The following PPP1R3A variants were observed in gnomAD, a reference collection of about 807,000 sequenced individuals.
PPP1R3A encodes RG1.
A neutral mutation model predicts 41.7 loss-of-function variants in PPP1R3A; 29 were observed. The ratio of observed to expected loss-of-function variants is 0.70; its 90% confidence interval spans 0.52 to 0.95. The LOEUF (loss-of-function observed/expected upper bound fraction) is 0.95. Among genes scored for constraint, PPP1R3A ranks in the 40% least tolerant of loss-of-function variants. The probability of loss-of-function intolerance (pLI) is 0.00; values close to 1 mark genes in which losing one functional copy is unlikely to be tolerated. For missense variants in PPP1R3A, 1,352 were observed against 1,292.4 expected (o/e 1.05, Z -0.71); for synonymous variants, 485 against 453.4 (o/e 1.07, Z -0.89).
At chr7:113,912,171 C>G (rs533685857) in intron 1 of PPP1R3A, among the ~76,000 whole-genome samples, 7 of 152,204 alleles carry the variant, frequency 4.6e-5, no homozygotes, top group Non-Finnish European at 1.0e-4. Flanking sequence ...ACTTCAGACC[C>G]CATGAGTCTC....
rs779628301 is a variant in PPP1R3A, at chr7:113,918,356, G to C, written c.641C>G (p.Ser214Cys). Residue 214 changes from serine (S) to cysteine (C), a missense_variant, in exon 1 of 4, where the codon TCT becomes TGT. By Grantham distance (112) the Ser-to-Cys change is moderately radical. Coordinates refer to ENST00000284601, the MANE Select transcript of PPP1R3A (RefSeq NM_002711.4). The stretch of plus-strand genomic sequence containing the variant: ...ATTATTTGACCAAAATGTACCAACA[G>C]AAGTTTCATAACGTATACAAAACTC... ...KVEFCIRYET[S>C]VGTFWSNNNG... The C allele has an allele frequency of 6.2e-7, 1 of 1,613,222 alleles. No homozygotes were observed.
chr7:113,884,792 C>T (rs1170719152), intron 1 of PPP1R3A, among the ~76,000 whole-genome samples: 1 of 151,910 alleles, frequency 6.6e-6, no homozygotes, highest in African/African-American at 2.4e-5. Flanking sequence ...ACAAAATCAA[C>T]ACAAATAAGC....
At chr7:113,888,440 G>C (rs971045795) in intron 1 of PPP1R3A, among the ~76,000 whole-genome samples, 1 of 152,076 alleles carries the variant, frequency 6.6e-6, no homozygotes. Flanking sequence ...TTTTGTTGTA[G>C]CATCAATATG....
rs1346644930 is a variant in PPP1R3A at position 113,878,044 on chromosome 7, T to C, written c.3048A>G (p.Lys1016=). The change falls in exon 4 of 4, where the codon AAA becomes AAG. Residue 1016 remains lysine, a synonymous_variant. Coordinates refer to ENST00000284601, the MANE Select transcript of PPP1R3A (RefSeq NM_002711.4). ...TTGCTTCTTCCATATTCTCAAGAGGTTTGTTGATTAAAATCATTGGCCCTA... is the reference window on the plus strand; with the variant it reads ...TTGCTTCTTCCATATTCTCAAGAGGCTTGTTGATTAAAATCATTGGCCCTA... ...KSLGPMILIN[K]PLENMEEARH... 1 of 1,613,214 alleles carries C rather than the reference T, an allele frequency of 6.2e-7. No individual in the cohort carries two copies. Among genetic ancestry groups the C allele is most frequent in the Non-Finnish European group, 8.5e-7 (1 of 1,179,582 alleles).
intron 1 of PPP1R3A, among the ~76,000 whole-genome samples, chr7:113,900,634 T>C (rs1797046204): frequency 6.7e-6 from 1 of 148,798 alleles, no homozygotes; most frequent in South Asian, 2.1e-4. Context: ...ATTGTATATA[T>C]GACATATCAA....
intron 1 of PPP1R3A, among the ~76,000 whole-genome samples, chr7:113,909,114 T>C (rs1797197490): frequency 6.6e-6 from 1 of 151,878 alleles, no homozygotes. Flanking sequence ...AACCTGCACA[T>C]GGACCCCTTG....
Position 113,918,685 on chromosome 7 carries a change from A to G in PPP1R3A, c.312T>C (p.Tyr104=). 6.2e-7 allele frequency: 1 copy of G among 1,613,760 alleles called. No homozygotes were observed. The highest frequency in any genetic ancestry group is 8.5e-7 in the Non-Finnish European group (1 of 1,179,848). Residue 104 remains tyrosine (Y), a synonymous_variant, in exon 1 of 4, where the codon TAT becomes TAC. Coordinates refer to ENST00000284601, the MANE Select transcript of PPP1R3A (RefSeq NM_002711.4). ...LGTDIFHTEE[Y]VLAPLFDLPS... ...GCAAGTCAAACAGTGGGGCTAAAAC[A>G]TATTCTTCTGTGTGGAAAATGTCCG...
chr7:113,883,735 T>C (rs1020236015), intron 1 of PPP1R3A, among the ~76,000 whole-genome samples: 3 of 152,026 alleles, frequency 2.0e-5, no homozygotes, highest in Admixed American at 1.3e-4. Flanking sequence ...ACAGCATTTA[T>C]TTATTCCTGC....
chr7:113,892,372 T>C (rs1562921375), intron 1 of PPP1R3A, among the ~76,000 whole-genome samples: 1 of 152,236 alleles, frequency 6.6e-6, no homozygotes, highest in East Asian at 1.9e-4. Flanking sequence ...TATTGTGGAC[T>C]GTTTCTTTTC....
chr7:113,876,907 C>T lies in PPP1R3A; in HGVS notation c.*816G>A, dbSNP rs1266452944. ...GGTACAAATTCATTCTGAAGCAATG[C>T]TTGTGGAAATTTTAATTTACATTTT... is the stretch of plus-strand genomic sequence containing the variant. On this transcript the variant is annotated 3_prime_UTR_variant, in exon 4 of 4. Coordinates refer to ENST00000284601, the MANE Select transcript of PPP1R3A (RefSeq NM_002711.4). The T allele has an allele frequency of 1.3e-5, 2 of 151,880 alleles. No homozygotes were observed. Among genetic ancestry groups the T allele is most frequent in the Non-Finnish European group, 2.9e-5 (2 of 67,924 alleles). The allele number at this position is 151,880 out of a possible 1,614,324, so 9.4% of individuals were successfully genotyped here.
At chr7:113,882,861 C>G (rs1288299420) in intron 1 of PPP1R3A, among the ~76,000 whole-genome samples, 1 of 151,872 alleles carries the variant, frequency 6.6e-6, no homozygotes, top group Non-Finnish European at 1.5e-5. Context: ...AAGAAAGAAA[C>G]AAGCTAACTA....
At chr7:113,884,299 A>C (rs1285775342) in intron 1 of PPP1R3A, among the ~76,000 whole-genome samples, 1 of 152,044 alleles carries the variant, frequency 6.6e-6, no homozygotes, top group Admixed American at 6.6e-5. Context: ...ATAAAGGGCA[A>C]ATGATGGCTA....
At chr7:113,880,911 A>G (rs141241262) in intron 3 of PPP1R3A, among the ~76,000 whole-genome samples, 222 of 151,570 alleles carry the variant, frequency 1.5e-3, no homozygotes, top group African/African-American at 5.2e-3. Flanking sequence ...TTTATGCATT[A>G]ACGTCAGCAT....
At chr7:113,912,526 G>A (rs1797268040) in intron 1 of PPP1R3A, among the ~76,000 whole-genome samples, 1 of 152,022 alleles carries the variant, frequency 6.6e-6, no homozygotes, top group Non-Finnish European at 1.5e-5. Context: ...AGGGCCCTGG[G>A]CAATCGGATC....
chr7:113,889,158 A>G (rs1280880061), intron 1 of PPP1R3A, among the ~76,000 whole-genome samples: 2 of 152,130 alleles, frequency 1.3e-5, no homozygotes, highest in African/African-American at 2.4e-5. Flanking sequence ...ATGGACAACA[A>G]TGCATCTCAC....
chr7:113,887,796 C>A (rs569621894), intron 1 of PPP1R3A, among the ~76,000 whole-genome samples: 2 of 151,898 alleles, frequency 1.3e-5, no homozygotes, highest in Non-Finnish European at 2.9e-5. Flanking sequence ...TTTGGGAGGC[C>A]GAGGAGGGTG....
chr7:113,902,154 G>A (rs1248208096), intron 1 of PPP1R3A, among the ~76,000 whole-genome samples: 1 of 151,544 alleles, frequency 6.6e-6, no homozygotes, highest in African/African-American at 2.4e-5. Flanking sequence ...TTTAAGAGAT[G>A]GAGTCTCACC....
chr7:113,914,491 T>G (rs1209266807), intron 1 of PPP1R3A, among the ~76,000 whole-genome samples: 2 of 152,084 alleles, frequency 1.3e-5, no homozygotes, highest in African/African-American at 4.8e-5. Flanking sequence ...TCAAGAAAAT[T>G]TACAGTTCAG....
intron 1 of PPP1R3A, among the ~76,000 whole-genome samples, chr7:113,902,800 T>A (rs2129118737): frequency 6.6e-6 from 1 of 152,020 alleles, no homozygotes; most frequent in East Asian, 1.9e-4. Flanking sequence ...TACTTATAAT[T>A]TATTATTAGT....
Sources: allele counts gnomAD v4.1 joint callset (sites outside exome capture counted in the v4.1 genomes callset), GRCh38; gene constraint gnomAD v4.1.1; transcripts MANE v1.5; gene names NCBI Gene and HGNC (gene_info 2026-07-23, HGNC 2026-07-21).